Variants in SFI1 observed in about 807,000 individuals in gnomAD.
The protein encoded by SFI1 is SFI1 centrin binding protein, also known as protein SFI1 homolog.
SFI1 carries 195 observed loss-of-function variants against 207.5 expected under a neutral mutation model. That is an observed-to-expected ratio of 0.94 (90% CI 0.84 to 1.06). The LOEUF is 1.06. Ranked by LOEUF, SFI1 falls within the 50% of genes least tolerant of loss-of-function variation. The pLI is 0.00. For missense variants in SFI1, 1,634 were observed against 1,588.0 expected, an observed-to-expected ratio of 1.03 and a Z score of -0.49; for synonymous variants, 630 against 598.9, an observed-to-expected ratio of 1.05 and a Z score of -0.76.
At chr22:31,575,528 G>A (rs2063390114) in intron 10 of SFI1, 136 bp downstream of exon 10, 2 of 908,846 alleles carry the variant, frequency 2.2e-6, no homozygotes, top group Non-Finnish European at 3.1e-6. Context: ...TCTGTTGACA[G>A]TCTTAAAATT....
chr22:31,589,718 T>C (rs992929315), intron 15 of SFI1, 141 bp downstream of exon 15: 4 of 777,508 alleles, frequency 5.1e-6, no homozygotes, highest in African/African-American at 1.8e-5. Flanking sequence ...TGTGGGCTCA[T>C]TGATTTCATC....
At chr22:31,614,086 G>A (rs1274115657) in intron 27 of SFI1, 1 of 551,084 alleles carries the variant, frequency 1.8e-6, no homozygotes, top group East Asian at 2.9e-5. Context: ...CCAAAGCTCA[G>A]GAAATAGGTG....
chr22:31,505,316 G>A (rs1185033693), intron 1 of SFI1, among the ~76,000 whole-genome samples: 1 of 152,018 alleles, frequency 6.6e-6, no homozygotes, highest in Non-Finnish European at 1.5e-5. Flanking sequence ...GTGCATTCCT[G>A]TAATCCCAGC....
chr22:31,600,121 C>G (rs1326094351), intron 15 of SFI1, among the ~76,000 whole-genome samples: 1 of 152,064 alleles, frequency 6.6e-6, no homozygotes, highest in Non-Finnish European at 1.5e-5. Context: ...CTCCTGAGTT[C>G]AAGCAATCCT....
intron 5 of SFI1, among the ~76,000 whole-genome samples, chr22:31,549,369 A>G (rs1219556584): frequency 7.1e-6 from 1 of 141,204 alleles, no homozygotes; most frequent in Non-Finnish European, 1.5e-5. Context: ...ATTGAATTTG[A>G]GACAGAGTCT....
intron 8 of SFI1, among the ~76,000 whole-genome samples, chr22:31,566,652 C>T (rs2062346666): frequency 6.6e-6 from 1 of 152,162 alleles, no homozygotes; most frequent in Admixed American, 6.6e-5. Flanking sequence ...ATAGTACCTA[C>T]CTCATGAGAT....
intron 5 of SFI1, among the ~76,000 whole-genome samples, chr22:31,549,472 C>G (rs2060430172): frequency 6.6e-6 from 1 of 150,598 alleles, no homozygotes; most frequent in Non-Finnish European, 1.5e-5. Context: ...CTCAGCCTCC[C>G]TCCTGCCTCA....
Position 31,589,610 on chromosome 22 carries a change from A to C in SFI1, c.1544+33A>C, listed in dbSNP as rs772602700. The C allele has an allele frequency of 4.4e-6, 7 of 1,585,726 alleles. No individual in the cohort carries two copies. The Admixed American group carries it at 1.3e-4, about 29-fold the overall frequency. On this transcript the variant is annotated intron_variant, in intron 15 of 32. Transcript: ENST00000400288. ...GCGCAGCTCCTGTCTGCACTGGGGC[A>C]GGTGTTTCAAATCTAACTCTGACAA...
intron 15 of SFI1, among the ~76,000 whole-genome samples, chr22:31,596,337 C>G (rs1415299528): frequency 6.6e-6 from 1 of 152,162 alleles, no homozygotes; most frequent in Non-Finnish European, 1.5e-5. Context: ...AGCCAGAACT[C>G]TGGCTTCCTT....
chr22:31,611,649 G>T, intron 23 of SFI1, 117 bp from the exon 24 acceptor site: 1 of 1,064,122 alleles, frequency 9.4e-7, no homozygotes. Flanking sequence ...GCACCATCCA[G>T]GACTCCTAGC....
At chr22:31,532,598 T>C (rs1410305691) in intron 4 of SFI1, among the ~76,000 whole-genome samples, 1 of 152,178 alleles carries the variant, frequency 6.6e-6, no homozygotes, top group African/African-American at 2.4e-5. Flanking sequence ...ACTCCTTCAT[T>C]CAATGTCTCT....
intron 29 of SFI1, 120 bp from the exon 30 acceptor site, chr22:31,616,625 C>T (rs1156530255): frequency 1.1e-5 from 12 of 1,094,010 alleles, no homozygotes; most frequent in African/African-American, 7.9e-5. Context: ...CCAGCTCCTG[C>T]AGCTGGGAGC....
At chr22:31,560,338 A>G (rs888602043) in intron 7 of SFI1, among the ~76,000 whole-genome samples, 21 of 152,050 alleles carry the variant, frequency 1.4e-4, no homozygotes, top group African/African-American at 4.8e-4. Context: ...CTAGAAATCT[A>G]AAAGCCACTT....
At chr22:31,537,618 C>T (rs151142153) in intron 4 of SFI1, among the ~76,000 whole-genome samples, 16 of 152,178 alleles carry the variant, frequency 1.1e-4, no homozygotes, top group African/African-American at 3.4e-4. Flanking sequence ...AGGATAGTTA[C>T]GCCTGTAGGC....
intron 14 of SFI1, among the ~76,000 whole-genome samples, chr22:31,586,744 C>G (rs1390670141): frequency 6.6e-6 from 1 of 152,198 alleles, no homozygotes; most frequent in Non-Finnish European, 1.5e-5. Flanking sequence ...AGCAGAGGGT[C>G]TCTTTTATTT....
intron 1 of SFI1, among the ~76,000 whole-genome samples, chr22:31,501,016 C>T (rs1263714420): frequency 6.6e-6 from 1 of 151,446 alleles, no homozygotes; most frequent in Non-Finnish European, 1.5e-5. Flanking sequence ...CCAGGCTGGT[C>T]TCGAACTCCT....
intron 15 of SFI1, 46 bp downstream of exon 15, chr22:31,589,623 C>G (rs752568857): frequency 6.4e-7 from 1 of 1,573,986 alleles, no homozygotes; most frequent in Non-Finnish European, 8.6e-7. Flanking sequence ...TGTTTCAAAT[C>G]TAACTCTGAC....
chr22:31,581,793 A>G (rs1330098824), intron 12 of SFI1, among the ~76,000 whole-genome samples: 1 of 152,140 alleles, frequency 6.6e-6, no homozygotes, highest in Non-Finnish European at 1.5e-5. Context: ...ATAAGCCTCT[A>G]TATAGTCACT....
chr22:31,613,858 G>A lies in SFI1; in HGVS notation c.2996+3G>A, dbSNP rs2070838967. The A allele has an allele frequency of 1.3e-6, 2 of 1,595,556 alleles. No homozygotes were observed. Among genetic ancestry groups the A allele is most frequent in the South Asian group, 2.2e-5 (2 of 89,512 alleles). On this transcript the variant is annotated splice_donor_region_variant and intron_variant, in intron 27 of 32. Coordinates refer to ENST00000400288, the MANE Select transcript of SFI1 (RefSeq NM_001007467.3). ...GAGGAGCCCCACGCCCTGGAGCTGT[G>A]AGTAGCCTGTGCTCACCTTGTCCTC...
Sources: gnomAD v4.1 joint callset for allele counts (sites outside exome capture counted in the v4.1 genomes callset) on GRCh38, gnomAD v4.1.1 for gene constraint, MANE v1.5 for transcripts, NCBI Gene and HGNC (gene_info 2026-07-23, HGNC 2026-07-21) for gene names.